Variants in PPARGC1B observed in about 807,000 individuals in gnomAD.
PPARGC1B encodes the protein peroxisome proliferator-activated receptor gamma coactivator 1-beta.
PPARGC1B carries 34 observed loss-of-function variants against 101.6 expected under a neutral mutation model. That is an observed-to-expected ratio of 0.33 (90% confidence interval 0.25 to 0.45). The LOEUF is 0.45. Among genes scored for constraint, PPARGC1B ranks in the 20% least tolerant of loss-of-function variants. The pLI is 1.00. For missense variants in PPARGC1B, 1,234 were observed against 1,317.6 expected (o/e 0.94, Z 0.98); for synonymous variants, 548 against 539.3 (o/e 1.02, Z -0.22).
intron 1 of PPARGC1B, among the ~76,000 whole-genome samples, chr5:149,791,423 G>A (rs1422914330): frequency 6.6e-6 from 1 of 152,068 alleles, no homozygotes; most frequent in African/African-American, 2.4e-5. Context: ...CTCATTGGAT[G>A]AATGAGCACC....
chr5:149,755,000 C>T (rs1368684822), intron 1 of PPARGC1B, among the ~76,000 whole-genome samples: 2 of 146,872 alleles, frequency 1.4e-5, no homozygotes, highest in Non-Finnish European at 3.0e-5. Flanking sequence ...CACACATATA[C>T]ACTACATATA....
chr5:149,812,395 G>T (rs369688918), intron 1 of PPARGC1B, among the ~76,000 whole-genome samples: 1 of 152,122 alleles, frequency 6.6e-6, no homozygotes, highest in Non-Finnish European at 1.5e-5. Context: ...GCTTCTTTAG[G>T]TGATTTGTAT....
At chr5:149,785,730 G>A (rs1469610181) in intron 1 of PPARGC1B, among the ~76,000 whole-genome samples, 1 of 152,148 alleles carries the variant, frequency 6.6e-6, no homozygotes, top group Admixed American at 6.5e-5. Context: ...GGAGCCTGCT[G>A]TAGGTTAGCG....
At chr5:149,840,169 G>A (rs978877321) in intron 9 of PPARGC1B, 53 bp downstream of exon 9, 256 of 1,538,958 alleles carry the variant, frequency 1.7e-4, no homozygotes, top group Non-Finnish European at 2.2e-4. Context: ...GACAGGAAGT[G>A]TGTGGGGGCT....
At position 149,733,253 on chromosome 5, in the gene PPARGC1B, A is replaced by G. The variant is rs141859616; in HGVS notation, c.78+2833A>G. Among the ~76,000 whole-genome samples the G allele has an allele frequency of 5.1e-3, 784 of 152,296 alleles. 1 individual carries two copies. The highest frequency in any genetic ancestry group is 0.01 in the Middle Eastern group (3 of 294). ...TGTTTAGGAGACTTAACTTTTACCC[A>G]TTGGGGCCAAAGTACGGAAATTTAG... On this transcript the variant is annotated intron_variant, in intron 1 of 11. Coordinates refer to ENST00000309241, the MANE Select transcript of PPARGC1B (RefSeq NM_133263.4).
At chr5:149,759,394 CT>C (rs1755641915) in intron 1 of PPARGC1B, among the ~76,000 whole-genome samples, 1 of 152,134 alleles carries the variant, frequency 6.6e-6, no homozygotes, top group Admixed American at 6.5e-5. Context: ...AATAACTGCA[CT>C]TCTCTTGGAG....
intron 1 of PPARGC1B, among the ~76,000 whole-genome samples, chr5:149,755,650 T>C (rs1755494202): frequency 7.0e-6 from 1 of 142,358 alleles, no homozygotes; most frequent in Non-Finnish European, 1.5e-5. Context: ...TTATTATTGC[T>C]TTTTTTTTTT....
At chr5:149,820,299 T>C in intron 1 of PPARGC1B, 134 bp from the exon 2 acceptor site, 1 of 798,766 alleles carries the variant, frequency 1.3e-6, no homozygotes, top group Middle Eastern at 3.2e-4. Context: ...AGCTGATCTT[T>C]CCATTTCTTG....
intron 5 of PPARGC1B, 34 bp from the exon 6 acceptor site, chr5:149,834,640 T>C (rs1165921305): frequency 1.9e-6 from 3 of 1,604,482 alleles, no homozygotes; most frequent in South Asian, 2.2e-5. Context: ...GATACCATAT[T>C]GGGGAATCTT....
At chr5:149,778,110 CAGAG>C (rs1466989863) in intron 1 of PPARGC1B, among the ~76,000 whole-genome samples, 1 of 69,834 alleles carries the variant, frequency 1.4e-5, no homozygotes, top group Admixed American at 1.8e-4. Flanking sequence ...CACACACACA[CAGAG>C]TACCCAGCTG....
intron 7 of PPARGC1B, among the ~76,000 whole-genome samples, chr5:149,835,595 G>A (rs952162847): frequency 3.9e-5 from 6 of 152,220 alleles, no homozygotes; most frequent in Admixed American, 6.5e-5. Flanking sequence ...CATTACAGGC[G>A]TGAGCCACCG....
intron 1 of PPARGC1B, among the ~76,000 whole-genome samples, chr5:149,731,947 G>A (rs1014511464): frequency 6.6e-6 from 1 of 152,152 alleles, no homozygotes; most frequent in Non-Finnish European, 1.5e-5. Flanking sequence ...TGGCGGGCGC[G>A]CTCGGGTGGG....
intron 1 of PPARGC1B, among the ~76,000 whole-genome samples, chr5:149,783,100 A>C (rs1443368357): frequency 6.6e-6 from 1 of 151,190 alleles, no homozygotes; most frequent in East Asian, 1.9e-4. Flanking sequence ...AAAGAGAGAG[A>C]GAGAGAGAGA....
chr5:149,798,327 C>T (rs577672985), intron 1 of PPARGC1B, among the ~76,000 whole-genome samples: 11 of 152,358 alleles, frequency 7.2e-5, no homozygotes, highest in East Asian at 1.9e-4. Context: ...GTCTCTAACA[C>T]GCCCTTGTTT....
chr5:149,818,883 A>G (rs1758160430), intron 1 of PPARGC1B: 1 of 456,548 alleles, frequency 2.2e-6, no homozygotes, highest in African/African-American at 2.0e-5. Context: ...CGTTTTACAG[A>G]TGAAGGGACT....
intron 1 of PPARGC1B, among the ~76,000 whole-genome samples, chr5:149,807,349 A>G (rs1405083012): frequency 6.6e-6 from 1 of 151,944 alleles, no homozygotes; most frequent in Non-Finnish European, 1.5e-5. Flanking sequence ...ATTTTGAGGA[A>G]ATCCCACACA....
intron 1 of PPARGC1B, among the ~76,000 whole-genome samples, chr5:149,756,411 C>T (rs1339192845): frequency 6.6e-6 from 1 of 152,100 alleles, no homozygotes; most frequent in Non-Finnish European, 1.5e-5. Flanking sequence ...AAGATTGCGG[C>T]ACTGCACTCT....
chr5:149,767,754 G>T (rs1755966633), intron 1 of PPARGC1B, among the ~76,000 whole-genome samples: 7 of 151,302 alleles, frequency 4.6e-5, no homozygotes, highest in Admixed American at 4.6e-4. Flanking sequence ...ACTCTCTTTT[G>T]TCTACACCAG....
At position 149,844,295 on chromosome 5, in the gene PPARGC1B, A is replaced by T. The variant is rs534798821; in HGVS notation, c.2817-1465A>T. Among the ~76,000 whole-genome samples the T allele has an allele frequency of 3.3e-5, 5 of 152,326 alleles. 1 individual carries two copies. Among genetic ancestry groups the T allele is most frequent in the Admixed American group, 3.3e-4 (5 of 15,300 alleles). On this transcript the variant is annotated intron_variant, in intron 10 of 11. Coordinates refer to ENST00000309241, the MANE Select transcript of PPARGC1B (RefSeq NM_133263.4). ...AGAAAGATCAGTCTGTTAAGATTTT[A>T]AAAAAACACACAGGATCTTTAAAAA...
Sources: allele counts gnomAD v4.1 joint callset (sites outside exome capture counted in the v4.1 genomes callset), GRCh38; gene constraint gnomAD v4.1.1; transcripts MANE v1.5; gene names NCBI Gene and HGNC (gene_info 2026-07-23, HGNC 2026-07-21).